PCDHA1: variants seen among roughly 807,000 people sequenced by gnomAD.
PCDHA1 encodes protocadherin alpha-1.
A neutral mutation model predicts 61.3 loss-of-function variants in PCDHA1; 42 were observed. The ratio of observed to expected loss-of-function variants is 0.69; its 90% CI spans 0.54 to 0.89. The LOEUF (loss-of-function observed/expected upper bound fraction) is 0.89, where lower values mean the gene tolerates loss of function less well. Among genes scored for constraint, PCDHA1 ranks in the 40% least tolerant of loss-of-function variants. The pLI is 0.00. For synonymous variants in PCDHA1, 610 were observed against 553.8 expected (o/e 1.10, Z -1.43); for missense variants, 1,256 against 1,235.3 (o/e 1.02, Z -0.25).
intron 1 of PCDHA1, chr5:140,828,452 G>T (rs782092268): frequency 6.2e-7 from 1 of 1,614,284 alleles, no homozygotes; most frequent in Middle Eastern, 1.6e-4. Context: ...CCATGTGGAC[G>T]TGGAGGTGAG....
chr5:140,923,963 A>G (rs1172303229), intron 1 of PCDHA1, among the ~76,000 whole-genome samples: 1 of 152,188 alleles, frequency 6.6e-6, no homozygotes, highest in African/African-American at 2.4e-5. Context: ...CCTAATCTAT[A>G]CCCACACATA....
chr5:140,866,367 C>T (rs1375421273), intron 1 of PCDHA1: 1 of 152,082 alleles, frequency 6.6e-6, no homozygotes, highest in African/African-American at 2.4e-5. Flanking sequence ...ATATTGCATA[C>T]TTCAATAACA....
At position 140,845,912 on chromosome 5, in the gene PCDHA1, C is replaced by A. The variant is rs186058718; in HGVS notation, c.2394+57228C>A. On this transcript the variant is annotated intron_variant, in intron 1 of 3. Transcript: ENST00000504120. ...AGTCGTTATGGCCTTCCATATTAAT[C>A]TTATTTTTGTGTAAAACTATCTTCT... Among the ~76,000 whole-genome samples, 208 of 149,552 alleles carry A rather than the reference C, an allele frequency of 1.4e-3. 17 individuals are homozygous for A. The Middle Eastern group carries it at 0.024, about 17-fold the overall frequency.
intron 1 of PCDHA1, chr5:140,843,517 C>CCGGG (rs2150361691): frequency 1.3e-6 from 2 of 1,595,932 alleles, no homozygotes; most frequent in African/African-American, 2.7e-5. Flanking sequence ...AGGGCGGGTG[C>CCGGG]CGGGCGGGCA....
At chr5:140,795,704 A>T (rs782408299) in intron 1 of PCDHA1, 27 of 1,614,054 alleles carry the variant, frequency 1.7e-5, no homozygotes, top group Non-Finnish European at 2.3e-5. Context: ...CAATCAGTTT[A>T]CAAAGTAAAA....
chr5:140,842,502 C>T, intron 1 of PCDHA1: 1 of 1,613,826 alleles, frequency 6.2e-7, no homozygotes, highest in South Asian at 1.1e-5. Context: ...CCCCATGTCC[C>T]CTTCAAGCTG....
intron 1 of PCDHA1, among the ~76,000 whole-genome samples, chr5:140,944,656 C>A (rs782213712): frequency 1.3e-5 from 2 of 152,016 alleles, no homozygotes; most frequent in Admixed American, 6.6e-5. Flanking sequence ...GAGTCCATAC[C>A]CCTTATTTAT....
chr5:140,942,448 A>C (rs140426253), intron 1 of PCDHA1, among the ~76,000 whole-genome samples: 3,563 of 152,146 alleles, frequency 0.023, 50 homozygotes, highest in Middle Eastern at 0.034. Flanking sequence ...CAAGTAAACT[A>C]TCAATTATAA....
At position 140,823,162 on chromosome 5, in the gene PCDHA1, G is replaced by C. The variant is rs2150122942; in HGVS notation, c.2394+34478G>C. 16 of 1,613,820 alleles carry C rather than the reference G, an allele frequency of 9.9e-6. 1 individual carries two copies. Among genetic ancestry groups the C allele is most frequent in the South Asian group, 2.2e-5 (2 of 91,082 alleles). ...CGCGCAGCCCCAGTATACCGTGTTCGTGAAGGAGAACAACCCGCCAGGCTG... is the reference window on the plus strand; with the variant it reads ...CGCGCAGCCCCAGTATACCGTGTTCCTGAAGGAGAACAACCCGCCAGGCTG... On this transcript the variant is annotated intron_variant, in intron 1 of 3. Transcript: ENST00000504120.
intron 1 of PCDHA1, among the ~76,000 whole-genome samples, chr5:140,950,995 C>T (rs1554219713): frequency 6.6e-6 from 1 of 151,856 alleles, no homozygotes; most frequent in Non-Finnish European, 1.5e-5. Flanking sequence ...TCTTTTAGCT[C>T]CATTTTTCCC....
At chr5:140,849,516 G>A in intron 1 of PCDHA1, 2 of 1,597,278 alleles carry the variant, frequency 1.3e-6, no homozygotes, top group East Asian at 2.2e-5. Flanking sequence ...TGTGGAAGTT[G>A]TGGATGTAAA....
At chr5:140,845,678 G>T (rs1374984475) in intron 1 of PCDHA1, among the ~76,000 whole-genome samples, 3 of 149,382 alleles carry the variant, frequency 2.0e-5, no homozygotes, top group Non-Finnish European at 4.5e-5. Flanking sequence ...CATTGGTAAA[G>T]GATTTGTTAT....
Position 140,927,187 on chromosome 5 carries a change from C to G in PCDHA1, c.2395-51762C>G, listed in dbSNP as rs558671063. 141 of 1,614,164 alleles carry G rather than the reference C, an allele frequency of 8.7e-5. 1 individual carries two copies. The South Asian group carries it at 1.5e-3, about 17-fold the overall frequency. The stretch of plus-strand genomic sequence containing the variant: ...AGCTGCCTGCGTCTTGACCTACGAC[C>G]TGGTGCTCGAGGACCCGCTGGAGCT... On this transcript the variant is annotated intron_variant, in intron 1 of 3. Transcript: ENST00000504120.
rs781997820 is a variant in PCDHA1 at position 140,807,615 on chromosome 5, C to A, written c.2394+18931C>A. On this transcript the variant is annotated intron_variant, in intron 1 of 3. Transcript: ENST00000504120. ...GCAACACAAAAGAACCTGTCCATCG[C>A]GGAATCCAGGCCGCTTGACTCTCGG... The A allele has an allele frequency of 1.4e-5, 22 of 1,614,038 alleles. 1 individual carries two copies. In the South Asian group the frequency reaches 2.3e-4, roughly 17 times the overall value.
chr5:140,793,486 A>G (rs1761782375), intron 1 of PCDHA1, among the ~76,000 whole-genome samples: 1 of 152,230 alleles, frequency 6.6e-6, no homozygotes, highest in East Asian at 1.9e-4. Context: ...TTGTTATTGG[A>G]AAAAAAGCTA....
At chr5:140,966,593 A>G in intron 1 of PCDHA1, 1 of 595,648 alleles carries the variant, frequency 1.7e-6, no homozygotes, top group Non-Finnish European at 2.6e-6. Context: ...CGGTGGGGCC[A>G]GGAGCCCTTG....
chr5:140,791,207 C>G (rs782454787), intron 1 of PCDHA1, among the ~76,000 whole-genome samples: 40 of 152,188 alleles, frequency 2.6e-4, no homozygotes, highest in Non-Finnish European at 2.4e-4. Flanking sequence ...GAGGATTTCA[C>G]TTTTCTGTTA....
At chr5:140,837,048 T>A (rs1774890519) in intron 1 of PCDHA1, 1 of 199,144 alleles carries the variant, frequency 5.0e-6, no homozygotes. Flanking sequence ...ATCAAATATT[T>A]ACATTTCCAT....
intron 3 of PCDHA1, among the ~76,000 whole-genome samples, chr5:140,996,953 TCCCTCAATC>T (rs1554255576): frequency 6.6e-6 from 1 of 152,202 alleles, no homozygotes; most frequent in Non-Finnish European, 1.5e-5. Flanking sequence ...AATATTTATT[TCCCTCAATC>T]CCACTCCCCT....
Sources: gnomAD v4.1 joint callset for allele counts (sites outside exome capture counted in the v4.1 genomes callset) on GRCh38, gnomAD v4.1.1 for gene constraint, MANE v1.5 for transcripts, NCBI Gene and HGNC (gene_info 2026-07-23, HGNC 2026-07-21) for gene names.